Variants in NELL1 observed in about 807,000 individuals in gnomAD.
NELL1 encodes neural EGFL like 1, also known as protein kinase C-binding protein NELL1.
Under a neutral mutation model 107.4 loss-of-function variants are expected in NELL1, and 76 were observed. The observed-to-expected ratio is 0.71, with a 90% CI of 0.59 to 0.86. NELL1 has a LOEUF of 0.86. NELL1 is among the 40% of genes least tolerant of loss of function. NELL1 has a pLI of 0.00. For synonymous variants in NELL1, 353 were observed against 341.2 expected, an observed-to-expected ratio of 1.03 and a Z score of -0.38; for missense variants, 1,024 against 1,005.5, an observed-to-expected ratio of 1.02 and a Z score of -0.25.
intron 14 of NELL1, among the ~76,000 whole-genome samples, chr11:21,295,757 C>T (rs545401659): frequency 2.0e-5 from 3 of 152,090 alleles, no homozygotes; most frequent in African/African-American, 7.2e-5. Flanking sequence ...AATTGTTCTT[C>T]ACATCAAAAT....
chr11:21,011,709 A>G (rs1347712885), intron 12 of NELL1, among the ~76,000 whole-genome samples: 1 of 152,156 alleles, frequency 6.6e-6, no homozygotes, highest in African/African-American at 2.4e-5. Context: ...CCTACTGCAC[A>G]TGCAGAGTAT....
chr11:21,544,885 GT>G (rs372148142), intron 16 of NELL1, among the ~76,000 whole-genome samples: 95 of 149,018 alleles, frequency 6.4e-4, no homozygotes, highest in African/African-American at 1.7e-3. Flanking sequence ...TTCAGATGAG[GT>G]TTTTTTTTTC....
chr11:21,240,298 G>A (rs1341750693), intron 14 of NELL1, among the ~76,000 whole-genome samples: 1 of 151,950 alleles, frequency 6.6e-6, no homozygotes, highest in African/African-American at 2.4e-5. Flanking sequence ...ACTTCAAATT[G>A]TTTTGCAAAA....
At chr11:21,060,074 G>A (rs1853703240) in intron 12 of NELL1, among the ~76,000 whole-genome samples, 1 of 152,112 alleles carries the variant, frequency 6.6e-6, no homozygotes, top group South Asian at 2.1e-4. Flanking sequence ...CATTAATTAG[G>A]TAAATAGGAC....
chr11:20,905,266 A>C (rs78017002), intron 5 of NELL1, among the ~76,000 whole-genome samples: 345 of 152,296 alleles, frequency 2.3e-3, no homozygotes, highest in African/African-American at 7.8e-3. Context: ...ATTCAACAAT[A>C]AAAAACAAAG....
chr11:20,703,257 GTTTC>G (rs2133884269), intron 2 of NELL1, among the ~76,000 whole-genome samples: 1 of 152,030 alleles, frequency 6.6e-6, no homozygotes, highest in East Asian at 1.9e-4. Flanking sequence ...GAATTTATCC[GTTTC>G]TTCTAGATTT....
chr11:21,299,581 T>C (rs1430137173), intron 14 of NELL1, among the ~76,000 whole-genome samples: 1 of 150,530 alleles, frequency 6.6e-6, no homozygotes, highest in Non-Finnish European at 1.5e-5. Flanking sequence ...TTTGGACCCA[T>C]ATAAATTGGT....
In NELL1 at chr11:20,713,495, T is replaced by C. The variant is rs1855163539; in HGVS notation, c.184+35435T>C. 4.6e-5 allele frequency among the ~76,000 whole-genome samples: 7 copies of C among 152,120 alleles called. No homozygotes were observed. In the South Asian group the frequency reaches 1.5e-3, roughly 32 times the overall value. ...TCTCACCCAACACCCACGCAGTTGG[T>C]GAGGCTGGTCTTGCTCCTGCAGTGC... On this transcript the variant is annotated intron_variant, in intron 2 of 19. Coordinates refer to ENST00000357134, the MANE Select transcript of NELL1 (RefSeq NM_006157.5).
intron 13 of NELL1, among the ~76,000 whole-genome samples, chr11:21,188,509 T>A (rs918196385): frequency 6.6e-6 from 1 of 151,870 alleles, no homozygotes; most frequent in Non-Finnish European, 1.5e-5. Flanking sequence ...TTTTCTTTAC[T>A]CATTCTCACA....
intron 13 of NELL1, among the ~76,000 whole-genome samples, chr11:21,147,872 A>G (rs1285831766): frequency 6.6e-6 from 1 of 151,024 alleles, no homozygotes; most frequent in East Asian, 1.9e-4. Flanking sequence ...AAAAGAAAAG[A>G]AAAGATATCT....
At chr11:21,461,522 C>T (rs2133872733) in intron 15 of NELL1, among the ~76,000 whole-genome samples, 2 of 152,064 alleles carry the variant, frequency 1.3e-5, no homozygotes, top group South Asian at 4.2e-4. Context: ...TCCAAATTCC[C>T]CTCCCATTGT....
At chr11:20,967,267 G>A (rs970980312) in intron 12 of NELL1, among the ~76,000 whole-genome samples, 1 of 152,060 alleles carries the variant, frequency 6.6e-6, no homozygotes, top group Admixed American at 6.6e-5. Context: ...TCTTAGTTAA[G>A]AGATTGTATA....
At chr11:20,756,904 A>G (rs987984571) in intron 2 of NELL1, among the ~76,000 whole-genome samples, 1 of 152,148 alleles carries the variant, frequency 6.6e-6, no homozygotes. Flanking sequence ...ACAAACTGGT[A>G]AAGTCCAGAG....
At chr11:21,410,380 G>C (rs1852345991) in intron 15 of NELL1, among the ~76,000 whole-genome samples, 1 of 152,028 alleles carries the variant, frequency 6.6e-6, no homozygotes, top group African/African-American at 2.4e-5. Context: ...GTTCCATCAG[G>C]TTTTGCTTAA....
chr11:20,686,724 T>C (rs1248705807), intron 2 of NELL1, among the ~76,000 whole-genome samples: 1 of 152,164 alleles, frequency 6.6e-6, no homozygotes, highest in Non-Finnish European at 1.5e-5. Flanking sequence ...CAGTTTACTA[T>C]GTATGGAGAA....
intron 2 of NELL1, among the ~76,000 whole-genome samples, chr11:20,694,384 T>C (rs149029843): frequency 3.5e-3 from 539 of 152,168 alleles, no homozygotes; most frequent in Middle Eastern, 6.8e-3. Flanking sequence ...TCTTCTAGGA[T>C]TTTTATAGTT....
intron 2 of NELL1, among the ~76,000 whole-genome samples, chr11:20,756,500 G>A (rs978077333): frequency 2.7e-5 from 4 of 150,078 alleles, no homozygotes; most frequent in East Asian, 1.9e-4. Context: ...AGATGGCGCC[G>A]GGCTAATTTT....
chr11:21,511,749 T>C (rs182535928), intron 15 of NELL1, among the ~76,000 whole-genome samples: 137 of 152,212 alleles, frequency 9.0e-4, no homozygotes, highest in Non-Finnish European at 1.7e-3. Flanking sequence ...ATGATGGATT[T>C]GAGAAGGCCA....
chr11:20,958,836 T>C (rs572330359), intron 11 of NELL1, among the ~76,000 whole-genome samples: 96 of 152,316 alleles, frequency 6.3e-4, no homozygotes, highest in African/African-American at 2.2e-3. Flanking sequence ...CAGCTTTGTT[T>C]CTCAGTGAAA....
Sources: gnomAD v4.1 joint callset for allele counts (sites outside exome capture counted in the v4.1 genomes callset) on GRCh38, gnomAD v4.1.1 for gene constraint, MANE v1.5 for transcripts, NCBI Gene and HGNC (gene_info 2026-07-23, HGNC 2026-07-21) for gene names.